VAT1L: variants seen among roughly 807,000 people sequenced by gnomAD.
The protein encoded by VAT1L is putative NADPH-dependent quinone oxidoreductase VAT1L.
VAT1L carries 34 observed loss-of-function variants against 44.1 expected under a neutral mutation model. That is an observed-to-expected ratio of 0.77 (90% CI 0.59 to 1.03). The LOEUF (loss-of-function observed/expected upper bound fraction) is 1.03, where lower values mean the gene tolerates loss of function less well. Among genes scored for constraint, VAT1L ranks in the 50% least tolerant of loss-of-function variants. VAT1L has a pLI of 0.00. For missense variants in VAT1L, 615 were observed against 538.8 expected (o/e 1.14, Z -1.40); for synonymous variants, 253 against 202.2 (o/e 1.25, Z -2.13).
chr16:77,863,666 C>G (rs562359983), intron 4 of VAT1L, among the ~76,000 whole-genome samples: 34 of 152,244 alleles, frequency 2.2e-4, no homozygotes, highest in Admixed American at 9.2e-4. Context: ...AATGCAAGAG[C>G]CTCAGAGGCT....
intron 3 of VAT1L, among the ~76,000 whole-genome samples, chr16:77,843,810 C>A (rs1318983868): frequency 6.6e-6 from 1 of 152,204 alleles, no homozygotes; most frequent in East Asian, 1.9e-4. Flanking sequence ...GGTCCCTCCC[C>A]AGCCATGCGA....
chr16:77,977,732 G>A lies in VAT1L; in HGVS notation c.*37G>A. 3 of 1,592,340 alleles carry A rather than the reference G, an allele frequency of 1.9e-6. No homozygotes were observed. The highest frequency in any genetic ancestry group is 2.6e-6 in the Non-Finnish European group (3 of 1,164,528). On this transcript the variant is annotated 3_prime_UTR_variant, in exon 9 of 9. Transcript: ENST00000302536. ...GGTGGGAGAATGTGAAGGATGGTTTGGAAGATGAGGACCCGGCTGAGAAAA... is the reference window on the plus strand; with the variant it reads ...GGTGGGAGAATGTGAAGGATGGTTTAGAAGATGAGGACCCGGCTGAGAAAA...
At chr16:77,849,084 A>C (rs1016319736) in intron 3 of VAT1L, among the ~76,000 whole-genome samples, 2 of 152,182 alleles carry the variant, frequency 1.3e-5, no homozygotes, top group Non-Finnish European at 2.9e-5. Flanking sequence ...AGAAATACCT[A>C]ATGTACATGA....
At chr16:77,859,916 C>T (rs1328591762) in intron 3 of VAT1L, among the ~76,000 whole-genome samples, 3 of 152,154 alleles carry the variant, frequency 2.0e-5, no homozygotes, top group Non-Finnish European at 4.4e-5. Context: ...CCCAGTACCT[C>T]ACAACGTCAC....
At chr16:77,866,001 C>G (rs939708570) in intron 4 of VAT1L, among the ~76,000 whole-genome samples, 1 of 152,136 alleles carries the variant, frequency 6.6e-6, no homozygotes. Flanking sequence ...TGAGACCCAC[C>G]TCACCCTCAC....
At chr16:77,970,036 A>C (rs1264082704) in intron 7 of VAT1L, among the ~76,000 whole-genome samples, 1 of 142,912 alleles carries the variant, frequency 7.0e-6, no homozygotes, top group Non-Finnish European at 1.5e-5. Context: ...CAACATGGCA[A>C]AACCACATCT....
At chr16:77,802,895 A>C (rs1297483668) in intron 1 of VAT1L, among the ~76,000 whole-genome samples, 1 of 152,072 alleles carries the variant, frequency 6.6e-6, no homozygotes, top group Non-Finnish European at 1.5e-5. Flanking sequence ...GAGGCGCATC[A>C]ATCAAGCAGG....
At chr16:77,805,720 G>A (rs533009518) in intron 1 of VAT1L, among the ~76,000 whole-genome samples, 12 of 152,024 alleles carry the variant, frequency 7.9e-5, no homozygotes, top group South Asian at 2.1e-4. Flanking sequence ...CTGCCTCTCC[G>A]CCAGTGTCGT....
chr16:77,973,490 G>A (rs953676206), intron 8 of VAT1L, among the ~76,000 whole-genome samples: 56 of 151,990 alleles, frequency 3.7e-4, no homozygotes, highest in African/African-American at 1.3e-3. Context: ...TTACCATGTG[G>A]GTCAGGCTGG....
intron 1 of VAT1L, among the ~76,000 whole-genome samples, chr16:77,810,241 C>G (rs1433033215): frequency 6.6e-6 from 1 of 152,162 alleles, no homozygotes; most frequent in African/African-American, 2.4e-5. Context: ...CAGTGATTCT[C>G]TAAGTGTGGT....
chr16:77,833,094 A>T (rs1464561514), intron 3 of VAT1L, among the ~76,000 whole-genome samples: 6 of 152,172 alleles, frequency 3.9e-5, no homozygotes, highest in Non-Finnish European at 7.3e-5. Context: ...AAGTTTCCAA[A>T]TCCTGTGATT....
intron 7 of VAT1L, among the ~76,000 whole-genome samples, chr16:77,916,632 T>C (rs1315910162): frequency 6.6e-6 from 1 of 152,172 alleles, no homozygotes; most frequent in Non-Finnish European, 1.5e-5. Flanking sequence ...GCGTTAAAAA[T>C]ATACATAAGA....
In VAT1L at chr16:77,788,752, C is replaced by A. The variant is rs752724679; in HGVS notation, c.70C>A (p.Pro24Thr). The A allele has an allele frequency of 1.9e-6, 3 of 1,562,046 alleles. No homozygotes were observed. Among genetic ancestry groups the A allele is most frequent in the African/African-American group, 1.3e-5 (1 of 74,132 alleles). ...GATCGAGAAGGAGGCAGGCAAGGAGCCGGCGGAGGGCGGCGGCGGCGACGG... is the reference window on the plus strand; with the variant it reads ...GATCGAGAAGGAGGCAGGCAAGGAGACGGCGGAGGGCGGCGGCGGCGACGG... ...QMIEKEAGKE[P>T]AEGGGGDGSH... The change falls in exon 1 of 9, where the codon CCG (proline) becomes ACG (threonine). Residue 24 changes from proline (P) to threonine (T), a missense_variant. By Grantham distance (38) the Pro-to-Thr change is conservative (BLOSUM62 -1). Coordinates refer to ENST00000302536, the MANE Select transcript of VAT1L (RefSeq NM_020927.3).
At chr16:77,840,046 G>T (rs1807046) in intron 3 of VAT1L, among the ~76,000 whole-genome samples, 22,230 of 151,948 alleles carry the variant, frequency 0.15, 2,494 homozygotes, top group African/African-American at 0.31. Context: ...GTTTCCTCAT[G>T]TGTAAAATTG....
chr16:77,973,665 A>G (rs2018304518), intron 8 of VAT1L, among the ~76,000 whole-genome samples: 1 of 143,190 alleles, frequency 7.0e-6, no homozygotes, highest in South Asian at 2.3e-4. Flanking sequence ...TTGAAGCTGC[A>G]TCAGTTCTTT....
chr16:77,854,198 A>G (rs1013150957), intron 3 of VAT1L, among the ~76,000 whole-genome samples: 1 of 151,512 alleles, frequency 6.6e-6, no homozygotes, highest in Non-Finnish European at 1.5e-5. Context: ...ACTCTTTTCC[A>G]TTTTTCTTCC....
chr16:77,852,990 A>G (rs894433703), intron 3 of VAT1L, among the ~76,000 whole-genome samples: 12 of 152,088 alleles, frequency 7.9e-5, no homozygotes, highest in Admixed American at 4.6e-4. Flanking sequence ...TACACAGTAA[A>G]CTCTGTGGAG....
chr16:77,868,899 G>C (rs2017002506), intron 4 of VAT1L, among the ~76,000 whole-genome samples: 1 of 151,856 alleles, frequency 6.6e-6, no homozygotes, highest in African/African-American at 2.4e-5. Context: ...TGCCCTTCAA[G>C]TCATGAAAAT....
chr16:77,863,008 T>A (rs1567491192), intron 4 of VAT1L, 118 bp downstream of exon 4: 7 of 1,272,856 alleles, frequency 5.5e-6, no homozygotes, highest in Non-Finnish European at 1.1e-6. Flanking sequence ...ATTGGGGGCT[T>A]AGTATTATTA....
Sources: gnomAD v4.1 joint callset for allele counts (sites outside exome capture counted in the v4.1 genomes callset) on GRCh38, gnomAD v4.1.1 for gene constraint, MANE v1.5 for transcripts, NCBI Gene and HGNC (gene_info 2026-07-23, HGNC 2026-07-21) for gene names.